The following NPAS2 variants were observed in gnomAD, a reference collection of about 807,000 sequenced individuals.
The protein encoded by NPAS2 is neuronal PAS domain protein 2, also known as neuronal PAS domain-containing protein 2.
A neutral mutation model predicts 107.5 loss-of-function variants in NPAS2; 23 were observed. The observed-to-expected ratio is 0.21, with a 90% CI of 0.15 to 0.30. NPAS2 has a LOEUF of 0.30. Among genes scored for constraint, NPAS2 ranks in the 10% least tolerant of loss-of-function variants. The pLI is 1.00. For synonymous variants in NPAS2, 403 were observed against 417.5 expected, an observed-to-expected ratio of 0.97 and a Z score of 0.42; for missense variants, 756 against 1,043.3, an observed-to-expected ratio of 0.72 and a Z score of 3.79.
At chr2:100,940,967 C>A (rs1015874850) in intron 5 of NPAS2, among the ~76,000 whole-genome samples, 2 of 152,150 alleles carry the variant, frequency 1.3e-5, no homozygotes, top group African/African-American at 4.8e-5. Context: ...AGCAGCAACG[C>A]CCCTCTTGGT....
In NPAS2 at chr2:100,820,139, G is replaced by C. The variant is rs1460033325; in HGVS notation, c.-298G>C. The stretch of plus-strand genomic sequence containing the variant: ...GGAGGCGGCTCTCCCCGCCGGCTCT[G>C]CGTGCGGAAGAGTTTGCCGCGCGAG... On this transcript the variant is annotated 5_prime_UTR_variant, in exon 1 of 21. Coordinates refer to ENST00000335681, the MANE Select transcript of NPAS2 (RefSeq NM_002518.4). The surrounding 1 kb of genome is among the most constrained non-coding windows in gnomAD (Gnocchi z 5.6). 6.6e-6 allele frequency: 1 copy of C among 151,424 alleles called. No homozygotes were observed. Among genetic ancestry groups the C allele is most frequent in the Non-Finnish European group, 1.5e-5 (1 of 67,594 alleles). The allele number at this position is 151,424 out of a possible 1,614,324, so 9.4% of individuals were successfully genotyped here.
At chr2:100,951,026 A>G (rs1196410019) in intron 7 of NPAS2, among the ~76,000 whole-genome samples, 1 of 152,226 alleles carries the variant, frequency 6.6e-6, no homozygotes, top group African/African-American at 2.4e-5. Context: ...TGGGTGAGGC[A>G]ACTTATTAAA....
At chr2:100,989,476 A>G (rs1677984255) in intron 17 of NPAS2, 1 of 152,232 alleles carries the variant, frequency 6.6e-6, no homozygotes, top group African/African-American at 2.4e-5. Flanking sequence ...AATTTTGGAA[A>G]AGAGAAAACT....
Position 100,853,054 on chromosome 2 carries a change from A to G in NPAS2, c.-23+32640A>G, listed in dbSNP as rs77803193. Among the ~76,000 whole-genome samples the G allele has an allele frequency of 5.9e-3, 901 of 152,226 alleles. 52 individuals carry two copies. The East Asian group carries it at 0.14, about 23-fold the overall frequency. On this transcript the variant is annotated intron_variant, in intron 1 of 20. Transcript: ENST00000335681. ...TTAATTACTTATCTTATAAACTTCTATCATGTGAGGTAGAGTGAAGAGCCC... is the reference window on the plus strand; with the variant it reads ...TTAATTACTTATCTTATAAACTTCTGTCATGTGAGGTAGAGTGAAGAGCCC...
At chr2:100,970,765 T>C (rs747890958) in intron 11 of NPAS2, 3 of 417,244 alleles carry the variant, frequency 7.2e-6, no homozygotes, top group Non-Finnish European at 1.3e-5. Flanking sequence ...ATCCTGGAAA[T>C]AAAAAGATTT....
chr2:100,881,808 C>T (rs945279711), intron 1 of NPAS2, among the ~76,000 whole-genome samples: 5 of 152,210 alleles, frequency 3.3e-5, no homozygotes, highest in Non-Finnish European at 5.9e-5. Context: ...GAAGTCCAGG[C>T]GCAGAGGGCT....
chr2:100,908,048 G>T (rs1050878630), intron 2 of NPAS2, among the ~76,000 whole-genome samples: 1 of 152,076 alleles, frequency 6.6e-6, no homozygotes, highest in Non-Finnish European at 1.5e-5. Flanking sequence ...GTGCATGCGC[G>T]TGCATTTGTG....
chr2:100,911,658 G>A, intron 2 of NPAS2, among the ~76,000 whole-genome samples: 1 of 151,182 alleles, frequency 6.6e-6, no homozygotes, highest in East Asian at 1.9e-4. Context: ...TTGAGACAGA[G>A]TCTAGCTCTG....
chr2:100,924,990 G>T (rs1683470513), intron 2 of NPAS2, among the ~76,000 whole-genome samples, 156 bp from the exon 3 acceptor site: 2 of 152,182 alleles, frequency 1.3e-5, no homozygotes, highest in South Asian at 4.1e-4. Context: ...CTATCCTCCT[G>T]CCTTGGAAAT....
At chr2:100,970,743 G>A (rs1405943535) in intron 11 of NPAS2, 2 of 406,914 alleles carry the variant, frequency 4.9e-6, no homozygotes, top group Non-Finnish European at 8.7e-6. Flanking sequence ...TAAATGAGAG[G>A]GGAATAAAGA....
At chr2:100,974,335 C>T (rs889482122) in intron 12 of NPAS2, among the ~76,000 whole-genome samples, 2 of 152,182 alleles carry the variant, frequency 1.3e-5, no homozygotes, top group Admixed American at 1.3e-4. Context: ...CGGTTCTCCA[C>T]TCCAGGGGAC....
chr2:100,840,079 C>T (rs1489972513), intron 1 of NPAS2, among the ~76,000 whole-genome samples: 2 of 152,128 alleles, frequency 1.3e-5, no homozygotes, highest in Non-Finnish European at 2.9e-5. Flanking sequence ...TATCCAGGCC[C>T]CGGGGCCTTT....
rs772478314 is a variant in NPAS2, at chr2:100,925,265, A to G, written c.152A>G (p.Lys51Arg). Reference protein sequence around the residue: ...RKMDKTTVLEKVIGFLQKHNE... With the variant: ...RKMDKTTVLERVIGFLQKHNE... ...ATGGACAAAACCACCGTGTTGGAAA[A>G]GGTCATCGGATTTTTGCAGAAACAC... Residue 51 changes from lysine (K) to arginine (R), a missense_variant, in exon 3 of 21, where the codon AAG becomes AGG. By Grantham distance (26) the Lys-to-Arg change is conservative (BLOSUM62 2). This residue lies in a region of NPAS2 where 146 missense variants were observed against 249.6 expected (regional missense o/e 0.58). Transcript: ENST00000335681. 2.5e-6 allele frequency: 4 copies of G among 1,613,988 alleles called. No homozygotes were observed. In the East Asian group the frequency reaches 8.9e-5, roughly 36 times the overall value.
intron 1 of NPAS2, among the ~76,000 whole-genome samples, chr2:100,890,186 C>T (rs1039826248): frequency 6.6e-6 from 1 of 152,128 alleles, no homozygotes; most frequent in Admixed American, 6.6e-5. Flanking sequence ...GGTTGTTAGG[C>T]CCCAGCCCTG....
chr2:100,861,838 G>A (rs1458247736), intron 1 of NPAS2, among the ~76,000 whole-genome samples: 2 of 152,176 alleles, frequency 1.3e-5, no homozygotes, highest in African/African-American at 4.8e-5. Flanking sequence ...GTTGGTATGT[G>A]TATCAAGAAA....
rs544428845 is a variant in NPAS2 at position 100,856,394 on chromosome 2, G to A, written c.-23+35980G>A. Among the ~76,000 whole-genome samples, 64 of 152,250 alleles carry A rather than the reference G, an allele frequency of 4.2e-4. 1 individual carries two copies. Among genetic ancestry groups the A allele is most frequent in the Middle Eastern group, 3.4e-3 (1 of 294 alleles). ...GCTGTCTGCTTTCTCACAAGCCCCC[G>A]GTCCTTGGTGCAGATCCAGTTAGAG... On this transcript the variant is annotated intron_variant, in intron 1 of 20. Transcript: ENST00000335681.
intron 1 of NPAS2, among the ~76,000 whole-genome samples, chr2:100,863,332 GT>G (rs1377821210): frequency 6.6e-6 from 1 of 152,174 alleles, no homozygotes; most frequent in Non-Finnish European, 1.5e-5. Flanking sequence ...GGGTTGCTTG[GT>G]TGATTAGTTG....
intron 16 of NPAS2, chr2:100,987,368 C>G (rs1343573142): frequency 6.6e-6 from 1 of 152,242 alleles, no homozygotes; most frequent in African/African-American, 2.4e-5. Flanking sequence ...TTAAATGTCT[C>G]TGAGACACCT....
At chr2:100,925,103 T>A (rs768955119) in intron 2 of NPAS2, 43 bp from the exon 3 acceptor site, 1 of 1,573,180 alleles carries the variant, frequency 6.4e-7, no homozygotes, top group Non-Finnish European at 8.7e-7. Flanking sequence ...AAAGCCTTTG[T>A]GACGTGGAAT....
Sources: gnomAD v4.1 joint callset for allele counts (sites outside exome capture counted in the v4.1 genomes callset) on GRCh38, gnomAD v4.1.1 for gene constraint, gnomAD v4.1.1 regional missense constraint, Gnocchi (gnomAD v3.1) non-coding constraint, MANE v1.5 for transcripts, NCBI Gene and HGNC (gene_info 2026-07-23, HGNC 2026-07-21) for gene names.